The following MYO1D variants were observed in gnomAD, a reference collection of about 807,000 sequenced individuals.
MYO1D encodes unconventional myosin-Id.
In MYO1D, 83 loss-of-function variants were observed where a neutral mutation model predicts 122.0. That is an observed-to-expected ratio of 0.68 (90% CI 0.57 to 0.82). The LOEUF (loss-of-function observed/expected upper bound fraction) is 0.82. Among genes scored for constraint, MYO1D ranks in the 40% least tolerant of loss-of-function variants. The pLI, the probability that MYO1D is intolerant of heterozygous loss-of-function variation, is 0.00. For synonymous variants in MYO1D, 464 were observed against 446.9 expected, an observed-to-expected ratio of 1.04 and a Z score of -0.48; for missense variants, 1,157 against 1,269.5, an observed-to-expected ratio of 0.91 and a Z score of 1.35.
chr17:32,609,254 C>A (rs904478400), intron 20 of MYO1D, among the ~76,000 whole-genome samples: 1 of 152,188 alleles, frequency 6.6e-6, no homozygotes, highest in Non-Finnish European at 1.5e-5. Flanking sequence ...GTGGTCTGTT[C>A]TTCTATTGCA....
At chr17:32,588,431 G>C (rs1298931927) in intron 21 of MYO1D, among the ~76,000 whole-genome samples, 2 of 152,162 alleles carry the variant, frequency 1.3e-5, no homozygotes, top group East Asian at 3.9e-4. Flanking sequence ...CTGTACATTT[G>C]AGTGAAGTCC....
At chr17:32,759,625 T>C (rs1351964588) in intron 10 of MYO1D, among the ~76,000 whole-genome samples, 1 of 152,038 alleles carries the variant, frequency 6.6e-6, no homozygotes, top group Non-Finnish European at 1.5e-5. Flanking sequence ...AAACAGAAGG[T>C]CTTATCACAG....
At chr17:32,874,304 C>CTCTCTCTCTCTCTGTGTCTATG (rs6146033) in intron 1 of MYO1D, among the ~76,000 whole-genome samples, 9 of 149,168 alleles carry the variant, frequency 6.0e-5, no homozygotes, top group Non-Finnish European at 1.2e-4. Context: ...GTCTCTGTCT[C>CTCTCTCTCTCTCTGTGTCTATG]TCTCTCTCTC....
In MYO1D at chr17:32,767,753, C is replaced by G; in HGVS notation, c.715-1G>C. 2.5e-6 allele frequency: 4 copies of G among 1,601,884 alleles called. No homozygotes were observed. The highest frequency in any genetic ancestry group is 3.4e-6 in the Non-Finnish European group (4 of 1,170,212). ...ATTCGGCAGCATCATTGATAGAAGA[C>G]TGGGGATGAAAATGAAAAACTGAAG... On this transcript the variant is annotated splice_acceptor_variant, in intron 6 of 21. Transcript: ENST00000318217. LOFTEE classifies it high-confidence loss of function.
chr17:32,797,306 C>T (rs2090425330), intron 1 of MYO1D, among the ~76,000 whole-genome samples: 1 of 152,198 alleles, frequency 6.6e-6, no homozygotes, highest in African/African-American at 2.4e-5. Context: ...TTTCTTATCC[C>T]ACTTTTCATA....
chr17:32,678,869 C>T (rs2088864879), intron 16 of MYO1D, among the ~76,000 whole-genome samples: 2 of 150,958 alleles, frequency 1.3e-5, no homozygotes, highest in South Asian at 2.1e-4. Context: ...CTTTACAGTC[C>T]CACCAACAGT....
chr17:32,572,964 A>G (rs1222440957), intron 21 of MYO1D, among the ~76,000 whole-genome samples: 2 of 152,020 alleles, frequency 1.3e-5, no homozygotes, highest in African/African-American at 4.8e-5. Context: ...TCTTGTTTGT[A>G]CTTTCTTAGC....
intron 20 of MYO1D, among the ~76,000 whole-genome samples, chr17:32,613,789 C>CAAAAAAAAA (rs60701225): frequency 8.6e-4 from 44 of 51,040 alleles, no homozygotes; most frequent in Middle Eastern, 0.025. Flanking sequence ...GATTCCATCT[C>CAAAAAAAAA]AAAAAAAAAA....
chr17:32,525,487 T>C (rs566707131), intron 21 of MYO1D, among the ~76,000 whole-genome samples: 2 of 152,312 alleles, frequency 1.3e-5, no homozygotes, highest in East Asian at 3.9e-4. Flanking sequence ...AAGAACTTTT[T>C]TTTTTCTTGG....
intron 17 of MYO1D, 90 bp from the exon 18 acceptor site, chr17:32,654,711 C>A: frequency 1.6e-6 from 2 of 1,254,376 alleles, no homozygotes; most frequent in South Asian, 1.7e-5. Flanking sequence ...TTGAGTCTCC[C>A]TCCATCTCCC....
chr17:32,544,082 C>T (rs8079124), intron 21 of MYO1D, among the ~76,000 whole-genome samples: 11,614 of 149,456 alleles, frequency 0.078, 1,456 homozygotes, highest in African/African-American at 0.26. Flanking sequence ...TGTGAGCCAC[C>T]GCGCCTGGCC....
At chr17:32,855,139 T>C (rs184362927) in intron 1 of MYO1D, among the ~76,000 whole-genome samples, 235 of 152,334 alleles carry the variant, frequency 1.5e-3, no homozygotes, top group African/African-American at 5.3e-3. Flanking sequence ...AATTGCTTGC[T>C]GATTTTTGTA....
At chr17:32,524,167 T>C (rs1211071959) in intron 21 of MYO1D, among the ~76,000 whole-genome samples, 1 of 152,216 alleles carries the variant, frequency 6.6e-6, no homozygotes, top group African/African-American at 2.4e-5. Context: ...GCATATCTGT[T>C]TTCTCTGGGG....
intron 21 of MYO1D, among the ~76,000 whole-genome samples, chr17:32,565,300 A>G (rs912855230): frequency 6.6e-6 from 1 of 152,082 alleles, no homozygotes; most frequent in African/African-American, 2.4e-5. Flanking sequence ...CACCACACCC[A>G]GCCTGAAGAA....
chr17:32,816,727 A>G (rs895628570), intron 1 of MYO1D, among the ~76,000 whole-genome samples: 16 of 152,240 alleles, frequency 1.1e-4, no homozygotes. Flanking sequence ...TAAATCTAAT[A>G]AATGGATGCA....
intron 21 of MYO1D, among the ~76,000 whole-genome samples, chr17:32,597,257 T>A (rs901791627): frequency 6.6e-6 from 1 of 152,212 alleles, no homozygotes; most frequent in African/African-American, 2.4e-5. Context: ...GGTTTAACCA[T>A]GAAAAACAAA....
rs185709042 is a variant in MYO1D at position 32,501,994 on chromosome 17, C to T, written c.2865-7079G>A. ...GACACCATCTCCAGGTAGATGATGT[C>T]GGAATTGAATCGGAGGACACCCAGC... On this transcript the variant is annotated intron_variant, in intron 21 of 21. Coordinates refer to ENST00000318217, the MANE Select transcript of MYO1D (RefSeq NM_015194.3). 1.2e-4 allele frequency among the ~76,000 whole-genome samples: 18 copies of T among 152,168 alleles called. 1 individual carries two copies. The highest frequency in any genetic ancestry group is 4.2e-4 in the South Asian group (2 of 4,816).
intron 14 of MYO1D, among the ~76,000 whole-genome samples, chr17:32,737,493 T>G (rs2151002201): frequency 6.6e-6 from 1 of 152,178 alleles, no homozygotes; most frequent in African/African-American, 2.4e-5. Context: ...CCAGAGTACC[T>G]GGGACCACAG....
chr17:32,721,107 A>G lies in MYO1D; in HGVS notation c.1829T>C (p.Val610Ala). 1 of 1,614,020 alleles carries G rather than the reference A, an allele frequency of 6.2e-7. No homozygotes were observed. The highest frequency in any genetic ancestry group is 1.1e-5 in the South Asian group (1 of 91,058). The change falls in exon 15 of 22, where the codon GTA (valine) becomes GCA (alanine). Residue 610 changes from valine to alanine, a missense_variant. Physicochemically the swap from Val to Ala is moderately conservative, Grantham distance 64. Transcript: ENST00000318217. ...ATTTTCCAGTAGTCCAAGATATTCT[A>G]CTTGGTGCCGGCAGCGTTCATCATC... Reference protein sequence around the residue: ...IFDDERCRHQVEYLGLLENVR... With the variant: ...IFDDERCRHQAEYLGLLENVR...
Sources: allele counts gnomAD v4.1 joint callset (sites outside exome capture counted in the v4.1 genomes callset), GRCh38; gene constraint gnomAD v4.1.1; transcripts MANE v1.5; gene names NCBI Gene and HGNC (gene_info 2026-07-23, HGNC 2026-07-21).